Variants in MTUS2 observed in about 807,000 individuals in gnomAD.
MTUS2 encodes the protein microtubule associated scaffold protein 2, also known as microtubule-associated tumor suppressor candidate 2.
Under a neutral mutation model 114.1 loss-of-function variants are expected in MTUS2, and 40 were observed. The observed-to-expected ratio is 0.35, with a 90% CI of 0.27 to 0.46. MTUS2 has a LOEUF of 0.46. MTUS2 is among the 20% of genes least tolerant of loss of function. The pLI is 1.00. For synonymous variants in MTUS2, 688 were observed against 672.0 expected (o/e 1.02, Z -0.37); for missense variants, 1,679 against 1,705.4 (o/e 0.98, Z 0.27).
chr13:29,375,589 G>GTA (rs1224844857), intron 8 of MTUS2, among the ~76,000 whole-genome samples: 82 of 3,510 alleles, frequency 0.023, 11 homozygotes, highest in African/African-American at 0.069. Context: ...ATATATATAC[G>GTA]TATATATATA....
At chr13:29,279,570 G>A (rs1898190188) in intron 5 of MTUS2, among the ~76,000 whole-genome samples, 1 of 152,174 alleles carries the variant, frequency 6.6e-6, no homozygotes, top group African/African-American at 2.4e-5. Flanking sequence ...ACTGAATAAT[G>A]CATCTTTAAT....
Position 29,375,549 on chromosome 13 carries a change from ATATATATACGT to A in MTUS2, c.3117+16077_3117+16087del, listed in dbSNP as rs1162889196. ...TATATATATATATACGTGTATATAT[ATATATATACGT>A]ATATATATATATACATATATATATA... On this transcript the variant is annotated intron_variant, in intron 8 of 15. Transcript: ENST00000612955. Among the ~76,000 whole-genome samples, 40 of 5,360 alleles carry A rather than the reference ATATATATACGT, an allele frequency of 7.5e-3. 1 individual carries two copies. Among genetic ancestry groups the A allele is most frequent in the Admixed American group, 0.017 (5 of 296 alleles). The allele number at this position is 5,360 out of a possible 152,430, so 3.5% of individuals were successfully genotyped here.
chr13:29,316,379 T>A (rs1266482722), intron 6 of MTUS2, among the ~76,000 whole-genome samples: 1 of 152,022 alleles, frequency 6.6e-6, no homozygotes, highest in African/African-American at 2.4e-5. Flanking sequence ...GCATCAGAGG[T>A]AGAAAGGTTG....
At position 29,442,019 on chromosome 13, in the gene MTUS2, A is replaced by G. The variant is rs536312165; in HGVS notation, c.3184+1970A>G. ...CCTCTCCTCCTGAGCGAAGCTGCCA[A>G]AGAACAGGTTTCACCTCTGCTGACC... On this transcript the variant is annotated intron_variant, in intron 9 of 15. Transcript: ENST00000612955. Among the ~76,000 whole-genome samples, 11 of 152,286 alleles carry G rather than the reference A, an allele frequency of 7.2e-5. No homozygotes were observed. The South Asian group carries it at 2.3e-3, about 32-fold the overall frequency.
At chr13:28,832,415 A>T (rs920217582) in intron 1 of MTUS2, among the ~76,000 whole-genome samples, 4 of 152,112 alleles carry the variant, frequency 2.6e-5, no homozygotes, top group African/African-American at 9.6e-5. Context: ...TAGTGGATTA[A>T]AGAAGAAATC....
At chr13:29,109,427 T>G (rs903971445) in intron 5 of MTUS2, among the ~76,000 whole-genome samples, 2 of 152,150 alleles carry the variant, frequency 1.3e-5, no homozygotes, top group African/African-American at 2.4e-5. Context: ...AACTTACTCC[T>G]CCTGAATACC....
intron 5 of MTUS2, among the ~76,000 whole-genome samples, chr13:29,246,625 G>T (rs1896935165): frequency 2.0e-5 from 3 of 152,174 alleles, no homozygotes; most frequent in South Asian, 2.1e-4. Context: ...AGTTCATTAG[G>T]AATAAGTTTC....
intron 8 of MTUS2, chr13:29,428,746 G>A: frequency 6.3e-7 from 1 of 1,586,962 alleles, no homozygotes; most frequent in Non-Finnish European, 8.6e-7. Context: ...ACAGCTCCCA[G>A]CGGCGCGCCC....
chr13:29,391,758 A>T (rs1196872927), intron 8 of MTUS2, among the ~76,000 whole-genome samples: 1 of 152,138 alleles, frequency 6.6e-6, no homozygotes, highest in Non-Finnish European at 1.5e-5. Flanking sequence ...AAAAGCTACG[A>T]TTTTAATCAT....
At chr13:29,151,194 G>C (rs1369944865) in intron 5 of MTUS2, among the ~76,000 whole-genome samples, 1 of 151,976 alleles carries the variant, frequency 6.6e-6, no homozygotes, top group African/African-American at 2.4e-5. Context: ...TTTTCCATTT[G>C]TTATTATCAT....
At chr13:28,940,743 A>T (rs1882188727) in intron 2 of MTUS2, among the ~76,000 whole-genome samples, 1 of 152,204 alleles carries the variant, frequency 6.6e-6, no homozygotes, top group African/African-American at 2.4e-5. Flanking sequence ...ATTAATGTCC[A>T]GCTGAAGCAT....
intron 2 of MTUS2, among the ~76,000 whole-genome samples, chr13:28,884,261 A>G (rs188938437): frequency 1.5e-3 from 232 of 152,320 alleles, no homozygotes; most frequent in African/African-American, 4.9e-3. Flanking sequence ...TGAGGTATGA[A>G]CGAACCTTGA....
chr13:28,981,689 G>A (rs1884364742), intron 2 of MTUS2, among the ~76,000 whole-genome samples: 1 of 152,202 alleles, frequency 6.6e-6, no homozygotes, highest in Non-Finnish European at 1.5e-5. Flanking sequence ...CATGAGCTGA[G>A]TGGCGCTTGG....
chr13:29,025,541 G>A lies in MTUS2; in HGVS notation c.843G>A (p.Glu281=). The A allele has an allele frequency of 1.2e-6, 2 of 1,613,856 alleles. No homozygotes were observed. The highest frequency in any genetic ancestry group is 2.2e-5 in the East Asian group (1 of 44,876). ...ACACATCACATTCCGCCCATCCAGA[G>A]CCTGCTCTGAATTTGACTTTGGCAT... ...SEHTSHSAHP[E]PALNLTLASK... The change falls in exon 3 of 16, where the codon GAG becomes GAA. Residue 281 remains glutamate (E), a synonymous_variant. Coordinates refer to ENST00000612955, the MANE Select transcript of MTUS2 (RefSeq NM_001033602.4).
chr13:28,965,100 T>C (rs1883518602), intron 2 of MTUS2, among the ~76,000 whole-genome samples: 1 of 152,202 alleles, frequency 6.6e-6, no homozygotes, highest in Admixed American at 6.5e-5. Context: ...CGTGTTGTCA[T>C]AATGAAGTTC....
intron 8 of MTUS2, among the ~76,000 whole-genome samples, chr13:29,373,395 C>T (rs1361946762): frequency 6.6e-6 from 1 of 152,148 alleles, no homozygotes; most frequent in African/African-American, 2.4e-5. Flanking sequence ...ACTAAAGGCC[C>T]AGCTTTTTGG....
intron 5 of MTUS2, among the ~76,000 whole-genome samples, chr13:29,176,603 C>T (rs1893782807): frequency 6.6e-6 from 1 of 152,168 alleles, no homozygotes; most frequent in African/African-American, 2.4e-5. Flanking sequence ...ACACCTCTAG[C>T]CATATCTTCA....
intron 9 of MTUS2, among the ~76,000 whole-genome samples, chr13:29,441,199 C>G (rs1593446893): frequency 6.6e-6 from 1 of 152,136 alleles, no homozygotes; most frequent in East Asian, 1.9e-4. Context: ...CCCCTTCTCC[C>G]CCACCAGGAG....
chr13:29,393,564 A>G (rs1411337273), intron 8 of MTUS2, among the ~76,000 whole-genome samples: 1 of 152,172 alleles, frequency 6.6e-6, no homozygotes, highest in Non-Finnish European at 1.5e-5. Context: ...CGCAGAAGCC[A>G]CATGGGGAAA....
Sources: gnomAD v4.1 joint callset for allele counts (sites outside exome capture counted in the v4.1 genomes callset) on GRCh38, gnomAD v4.1.1 for gene constraint, MANE v1.5 for transcripts, NCBI Gene and HGNC (gene_info 2026-07-23, HGNC 2026-07-21) for gene names.